LRRC4C: variants seen among roughly 807,000 people sequenced by gnomAD.
LRRC4C encodes leucine rich repeat containing 4C.
In LRRC4C, 5 loss-of-function variants were observed where a neutral mutation model predicts 33.6. The ratio of observed to expected loss-of-function variants is 0.15; its 90% CI spans 0.08 to 0.31. The LOEUF is 0.31. Ranked by LOEUF, LRRC4C falls within the 10% of genes least tolerant of loss-of-function variation. The pLI is 1.00. For missense variants in LRRC4C, 560 were observed against 796.7 expected (o/e 0.70, Z 3.58); for synonymous variants, 329 against 302.0 (o/e 1.09, Z -0.93).
intron 2 of LRRC4C, among the ~76,000 whole-genome samples, chr11:40,866,044 T>G (rs937412391): frequency 6.6e-6 from 1 of 151,892 alleles, no homozygotes; most frequent in Non-Finnish European, 1.5e-5. Context: ...ATATGAATGG[T>G]GAAGACTATA....
chr11:40,837,506 A>T (rs1952724067), intron 2 of LRRC4C, among the ~76,000 whole-genome samples: 1 of 151,922 alleles, frequency 6.6e-6, no homozygotes, highest in Admixed American at 6.6e-5. Flanking sequence ...ATAAACCGGC[A>T]TATTGTGAAG....
intron 1 of LRRC4C, among the ~76,000 whole-genome samples, chr11:41,201,315 A>AC (rs1946390309): frequency 6.6e-6 from 1 of 152,176 alleles, no homozygotes; most frequent in African/African-American, 2.4e-5. Context: ...TTATTTGGAG[A>AC]CGTTTAGGGA....
chr11:40,504,706 T>C (rs1214840459), intron 3 of LRRC4C, among the ~76,000 whole-genome samples: 2 of 152,200 alleles, frequency 1.3e-5, no homozygotes, highest in Non-Finnish European at 2.9e-5. Context: ...TATAATTTCA[T>C]ACAGTTTTTT....
At chr11:41,072,064 GT>G (rs983393921) in intron 1 of LRRC4C, among the ~76,000 whole-genome samples, 16 of 152,038 alleles carry the variant, frequency 1.1e-4, no homozygotes, top group Middle Eastern at 3.2e-3. Context: ...AAAGAAACTG[GT>G]TTTTTTGAAT....
chr11:41,454,036 C>T (rs1222595421), intron 1 of LRRC4C, among the ~76,000 whole-genome samples: 2 of 152,020 alleles, frequency 1.3e-5, no homozygotes, highest in African/African-American at 4.8e-5. Context: ...AGTCATAAAG[C>T]AGACTTCATC....
At chr11:41,276,401 A>G (rs1949486989) in intron 1 of LRRC4C, among the ~76,000 whole-genome samples, 1 of 152,148 alleles carries the variant, frequency 6.6e-6, no homozygotes, top group African/African-American at 2.4e-5. Flanking sequence ...CTCAAACACT[A>G]CTTCTTATGC....
At chr11:40,349,372 CGTCTAT>C (rs1373595512) in intron 3 of LRRC4C, among the ~76,000 whole-genome samples, 1 of 151,664 alleles carries the variant, frequency 6.6e-6, no homozygotes, top group Non-Finnish European at 1.5e-5. Context: ...CCTCCAGTTC[CGTCTAT>C]GTTGCTGCAA....
chr11:41,173,024 C>T (rs541669448), intron 1 of LRRC4C, among the ~76,000 whole-genome samples: 2 of 152,238 alleles, frequency 1.3e-5, no homozygotes, highest in East Asian at 3.9e-4. Context: ...TGGAATCCAT[C>T]ACCAATAGAG....
At chr11:40,457,286 T>C (rs549145259) in intron 3 of LRRC4C, among the ~76,000 whole-genome samples, 1 of 152,014 alleles carries the variant, frequency 6.6e-6, no homozygotes, top group Non-Finnish European at 1.5e-5. Context: ...GAAGAAAGTA[T>C]ACCCATCAAA....
chr11:40,762,436 C>A (rs1401001385), intron 2 of LRRC4C, among the ~76,000 whole-genome samples: 1 of 152,040 alleles, frequency 6.6e-6, no homozygotes, highest in Non-Finnish European at 1.5e-5. Context: ...TGTACATAAT[C>A]CATTGTGTTA....
intron 5 of LRRC4C, among the ~76,000 whole-genome samples, chr11:40,234,496 A>G (rs1439238684): frequency 6.6e-6 from 1 of 152,144 alleles, no homozygotes; most frequent in African/African-American, 2.4e-5. Flanking sequence ...TAAAACTCAG[A>G]CCAGGCTCAT....
chr11:40,789,998 GAT>G (rs1950561598), intron 2 of LRRC4C, among the ~76,000 whole-genome samples: 1 of 152,160 alleles, frequency 6.6e-6, no homozygotes, highest in Admixed American at 6.5e-5. Context: ...AGTTTTTTGA[GAT>G]AGAGAAGAGC....
chr11:40,607,875 A>T (rs1343747264), intron 3 of LRRC4C, among the ~76,000 whole-genome samples: 1 of 152,096 alleles, frequency 6.6e-6, no homozygotes, highest in Non-Finnish European at 1.5e-5. Flanking sequence ...TAGACCCTGC[A>T]GTGGGGTTGG....
chr11:40,163,716 C>T (rs1468530560), intron 5 of LRRC4C, among the ~76,000 whole-genome samples: 1 of 152,026 alleles, frequency 6.6e-6, no homozygotes, highest in Non-Finnish European at 1.5e-5. Context: ...AAAGAGAATT[C>T]CCAAGCTAAG....
At position 40,114,246 on chromosome 11, in the gene LRRC4C, TTTC is replaced by T. The variant is rs1855246609; in HGVS notation, c.*121_*123del. 11 of 1,091,166 alleles carry T rather than the reference TTTC, an allele frequency of 1.0e-5. No homozygotes were observed. The highest frequency in any genetic ancestry group is 1.6e-5 in the African/African-American group (1 of 62,412). 67.6% of individuals were successfully genotyped at this position (1,091,166 alleles called of 1,614,324 possible). ...TAGAATTTTTAATAAATAAATTTCT[TTTC>T]TTTTTTGTTTTTTTGTAAAGACACT... is the stretch of plus-strand genomic sequence containing the variant. On this transcript the variant is annotated 3_prime_UTR_variant, in exon 7 of 7. Coordinates refer to ENST00000528697, the MANE Select transcript of LRRC4C (RefSeq NM_001258419.2).
chr11:41,085,269 T>G (rs557710277), intron 1 of LRRC4C, among the ~76,000 whole-genome samples: 1 of 152,240 alleles, frequency 6.6e-6, no homozygotes, highest in South Asian at 2.1e-4. Flanking sequence ...GGAAAAAAAG[T>G]AAACACCACG....
chr11:40,126,979 AAAG>A (rs1023159200), intron 6 of LRRC4C, among the ~76,000 whole-genome samples: 4 of 151,660 alleles, frequency 2.6e-5, no homozygotes, highest in South Asian at 2.1e-4. Context: ...AAATAAATAA[AAAG>A]AAGAAGAGAA....
chr11:40,897,939 T>C (rs10219334), intron 2 of LRRC4C, among the ~76,000 whole-genome samples: 132,822 of 152,224 alleles, frequency 0.87, 58,449 homozygotes, highest in Non-Finnish European at 0.94. Flanking sequence ...GAATATATTT[T>C]GCTTGTTCCC....
chr11:40,192,048 G>A (rs1459831396), intron 5 of LRRC4C, among the ~76,000 whole-genome samples: 1 of 152,050 alleles, frequency 6.6e-6, no homozygotes, highest in Non-Finnish European at 1.5e-5. Flanking sequence ...ACATTATATA[G>A]GCACTTGATG....
Sources: gnomAD v4.1 joint callset for allele counts (sites outside exome capture counted in the v4.1 genomes callset) on GRCh38, gnomAD v4.1.1 for gene constraint, MANE v1.5 for transcripts, NCBI Gene and HGNC (gene_info 2026-07-23, HGNC 2026-07-21) for gene names.